The following EPB41L3 variants were observed in gnomAD, a reference collection of about 807,000 sequenced individuals.
EPB41L3 encodes band 4.1-like protein 3.
In EPB41L3, 57 loss-of-function variants were observed where a neutral mutation model predicts 127.1. The observed-to-expected ratio is 0.45, with a 90% CI of 0.36 to 0.56. The LOEUF (loss-of-function observed/expected upper bound fraction) is 0.56. Ranked by LOEUF, EPB41L3 falls within the 20% of genes least tolerant of loss-of-function variation. The probability of loss-of-function intolerance (pLI) is 0.00; values close to 1 mark genes in which losing one functional copy is unlikely to be tolerated. For synonymous variants in EPB41L3, 572 were observed against 549.5 expected (o/e 1.04, Z -0.57); for missense variants, 1,273 against 1,372.2 (o/e 0.93, Z 1.14).
chr18:5,549,688 G>T (rs1568560292), intron 3 of EPB41L3, among the ~76,000 whole-genome samples: 1 of 152,096 alleles, frequency 6.6e-6, no homozygotes, highest in African/African-American at 2.4e-5. Context: ...GGAAGCTCTG[G>T]GGTGGGGTCC....
rs1287656293 is a variant in EPB41L3, at chr18:5,543,138, G to C, written c.-12+775C>G. ...CCGGCCCGCCCGTGCTCCCGCGCCC[G>C]GGTGCCAGAGGCGAGGGGCCCCGGC... On this transcript the variant is annotated intron_variant, in intron 1 of 22. Transcript: ENST00000341928. This position sits in a 1 kb window ranked among gnomAD's most constrained non-coding sequence, Gnocchi z 5.2. 3.3e-5 allele frequency among the ~76,000 whole-genome samples: 5 copies of C among 151,276 alleles called. No individual in the cohort carries two copies. The highest frequency in any genetic ancestry group is 7.4e-5 in the Non-Finnish European group (5 of 67,714).
chr18:5,407,673 GTTGT>G (rs2075634569), intron 15 of EPB41L3, 24 bp downstream of exon 15: 5 of 1,611,350 alleles, frequency 3.1e-6, no homozygotes, highest in Non-Finnish European at 4.2e-6. Flanking sequence ...TGTTGTTGTT[GTTGT>G]TTGTTTTATT....
chr18:5,522,971 G>A (rs1183696465), intron 1 of EPB41L3, among the ~76,000 whole-genome samples: 1 of 152,104 alleles, frequency 6.6e-6, no homozygotes, highest in Non-Finnish European at 1.5e-5. Flanking sequence ...AGTTAAAAGT[G>A]ACTGAGCTGG....
At chr18:5,554,677 T>G (rs2149164130) in intron 3 of EPB41L3, among the ~76,000 whole-genome samples, 1 of 152,216 alleles carries the variant, frequency 6.6e-6, no homozygotes, top group South Asian at 2.1e-4. Flanking sequence ...GGAAGAATGG[T>G]AAAGCCACCC....
rs10525487 is a variant in EPB41L3 at position 5,397,017 on chromosome 18, GTTTTA to G, written c.2841+36_2841+40del. ...CTAAATTTCCAGGCATCCTATATCA[GTTTTA>G]TTTTAGTGATAAAAGTAACATTTAC... On this transcript the variant is annotated intron_variant, in intron 18 of 22. Transcript: ENST00000341928. The surrounding 1 kb of genome is among the most constrained non-coding windows in gnomAD (Gnocchi z 4.1). 8.1e-3 allele frequency: 12,484 copies of G among 1,534,212 alleles called. 872 individuals are homozygous for G. The African/African-American group carries it at 0.15, about 18-fold the overall frequency.
At chr18:5,414,221 T>C (rs2076525758) in intron 13 of EPB41L3, among the ~76,000 whole-genome samples, 1 of 152,218 alleles carries the variant, frequency 6.6e-6, no homozygotes, top group Admixed American at 6.5e-5. Flanking sequence ...TATTTGATAA[T>C]ATTGCCAATA....
At chr18:5,465,442 G>T (rs150763221) in intron 3 of EPB41L3, among the ~76,000 whole-genome samples, 1 of 152,074 alleles carries the variant, frequency 6.6e-6, no homozygotes, top group Non-Finnish European at 1.5e-5. Context: ...ATTATTAGGC[G>T]ATAAAAGTAA....
At chr18:5,556,698 G>A (rs2186912) in intron 3 of EPB41L3, among the ~76,000 whole-genome samples, 7,143 of 152,196 alleles carry the variant, frequency 0.047, 264 homozygotes, top group East Asian at 0.16. Flanking sequence ...GGACCATTGT[G>A]GGGAACAGAG....
chr18:5,527,255 C>T (rs1208336797), intron 1 of EPB41L3, among the ~76,000 whole-genome samples: 1 of 152,180 alleles, frequency 6.6e-6, no homozygotes, highest in Non-Finnish European at 1.5e-5. Context: ...TAGTCCAGCA[C>T]ACACTGATTC....
chr18:5,605,276 A>G (rs1429814775), intron 3 of EPB41L3, among the ~76,000 whole-genome samples: 1 of 152,198 alleles, frequency 6.6e-6, no homozygotes. Context: ...ACCCATGTTC[A>G]TCTCACAGCC....
intron 8 of EPB41L3, among the ~76,000 whole-genome samples, chr18:5,432,594 G>T (rs1216696987): frequency 6.6e-6 from 1 of 152,122 alleles, no homozygotes; most frequent in Non-Finnish European, 1.5e-5. Flanking sequence ...ATTTCCACAA[G>T]ACTTTTATTC....
intron 3 of EPB41L3, 47 bp downstream of exon 3, chr18:5,478,194 C>A: frequency 6.5e-7 from 1 of 1,547,624 alleles, no homozygotes; most frequent in Non-Finnish European, 8.9e-7. Flanking sequence ...CCAACATTCC[C>A]CAGCTCTCAA....
At chr18:5,568,914 A>G (rs573357876) in intron 3 of EPB41L3, among the ~76,000 whole-genome samples, 20 of 152,360 alleles carry the variant, frequency 1.3e-4, no homozygotes, top group African/African-American at 4.8e-4. Flanking sequence ...TTAGGGAAGG[A>G]AACCCAAAAC....
At chr18:5,532,186 G>C (rs775889598) in intron 1 of EPB41L3, among the ~76,000 whole-genome samples, 49 of 152,174 alleles carry the variant, frequency 3.2e-4, no homozygotes, top group Non-Finnish European at 3.7e-4. Context: ...ATCTACAGGA[G>C]CATTCCACAT....
chr18:5,621,471 GT>G (rs1228576442), intron 1 of EPB41L3, among the ~76,000 whole-genome samples: 1 of 152,192 alleles, frequency 6.6e-6, no homozygotes, highest in African/African-American at 2.4e-5. Context: ...ATCAAAGCAG[GT>G]TCATGCCTGT....
At chr18:5,620,365 G>C (rs1254659117) in intron 1 of EPB41L3, among the ~76,000 whole-genome samples, 1 of 152,092 alleles carries the variant, frequency 6.6e-6, no homozygotes, top group Non-Finnish European at 1.5e-5. Context: ...AATACACGTG[G>C]AGTAACCTGA....
intron 3 of EPB41L3, among the ~76,000 whole-genome samples, chr18:5,463,371 C>T (rs902709401): frequency 5.3e-5 from 8 of 152,170 alleles, no homozygotes; most frequent in African/African-American, 1.9e-4. Flanking sequence ...CCTGCACCAT[C>T]CCTGAAACTG....
intron 3 of EPB41L3, among the ~76,000 whole-genome samples, chr18:5,578,891 C>T (rs911610671): frequency 6.6e-6 from 1 of 152,180 alleles, no homozygotes; most frequent in Admixed American, 6.5e-5. Context: ...CGCCCTACTA[C>T]CCAGCAATTC....
intron 14 of EPB41L3, among the ~76,000 whole-genome samples, chr18:5,408,042 A>G (rs1200371665): frequency 2.6e-5 from 4 of 152,194 alleles, no homozygotes; most frequent in African/African-American, 9.7e-5. Flanking sequence ...GAACATTAGA[A>G]ATAGTTCAGG....
Sources: allele counts gnomAD v4.1 joint callset (sites outside exome capture counted in the v4.1 genomes callset), GRCh38; gene constraint gnomAD v4.1.1; non-coding constraint Gnocchi (gnomAD v3.1); transcripts MANE v1.5; gene names NCBI Gene and HGNC (gene_info 2026-07-23, HGNC 2026-07-21).